Variants in DACH1 observed in about 807,000 individuals in gnomAD.
The protein encoded by DACH1 is dachshund family transcription factor 1, also known as dachshund homolog 1.
DACH1 carries 12 observed loss-of-function variants against 54.2 expected under a neutral mutation model. The observed-to-expected ratio is 0.22, with a 90% CI of 0.14 to 0.36. The LOEUF is 0.36. DACH1 is among the 10% of genes least tolerant of loss of function. DACH1 has a pLI of 1.00. For synonymous variants in DACH1, 386 were observed against 366.2 expected (o/e 1.05, Z -0.62); for missense variants, 805 against 929.8 (o/e 0.87, Z 1.75).
chr13:71,445,587 C>G (rs895068444), intron 10 of DACH1, among the ~76,000 whole-genome samples: 1 of 152,094 alleles, frequency 6.6e-6, no homozygotes, highest in African/African-American at 2.4e-5. Flanking sequence ...CAGAATCCAC[C>G]GGAGGCAGAA....
intron 10 of DACH1, among the ~76,000 whole-genome samples, chr13:71,441,141 A>T (rs1873975321): frequency 6.6e-6 from 1 of 152,072 alleles, no homozygotes; most frequent in Non-Finnish European, 1.5e-5. Flanking sequence ...CATGTAATGT[A>T]ACTATTGTGC....
chr13:71,454,532 C>T (rs1875376886), intron 10 of DACH1, among the ~76,000 whole-genome samples: 2 of 152,154 alleles, frequency 1.3e-5, no homozygotes, highest in Admixed American at 6.5e-5. Flanking sequence ...ACTCTTCTTC[C>T]CCAGATCTAT....
In DACH1 at chr13:71,567,440, AC is replaced by A. The variant is rs1158708605; in HGVS notation, c.1299+5399del. Among the ~76,000 whole-genome samples the A allele has an allele frequency of 3.6e-4, 55 of 151,776 alleles. No homozygotes were observed. In the East Asian group the frequency reaches 9.8e-3, roughly 27 times the overall value. ...ATTTTTATTAGGTAAAATGAGCAGA[AC>A]AAAAAAAAATAGAAAGTCAGAGAGA... On this transcript the variant is annotated intron_variant, in intron 4 of 10. Transcript: ENST00000613252.
intron 6 of DACH1, among the ~76,000 whole-genome samples, chr13:71,539,190 G>T (rs1882986091): frequency 6.6e-6 from 1 of 151,792 alleles, no homozygotes; most frequent in Non-Finnish European, 1.5e-5. Context: ...TCTCACACCG[G>T]GTCTAGCTGT....
intron 1 of DACH1, among the ~76,000 whole-genome samples, chr13:71,694,977 G>A (rs1881745600): frequency 6.6e-6 from 1 of 152,054 alleles, no homozygotes; most frequent in African/African-American, 2.4e-5. Flanking sequence ...ATACATTGAA[G>A]CATAGAATTA....
chr13:71,597,553 C>G (rs1874182765), intron 3 of DACH1, among the ~76,000 whole-genome samples: 1 of 152,116 alleles, frequency 6.6e-6, no homozygotes, highest in Non-Finnish European at 1.5e-5. Flanking sequence ...CTACCTCCCT[C>G]AGTGTGATTT....
intron 6 of DACH1, among the ~76,000 whole-genome samples, chr13:71,553,700 C>T (rs1392312087): frequency 6.8e-6 from 1 of 147,246 alleles, no homozygotes; most frequent in Non-Finnish European, 1.5e-5. Flanking sequence ...TATACTCTCC[C>T]TAAGCTCAAA....
chr13:71,779,350 T>C (rs985106079), intron 1 of DACH1, among the ~76,000 whole-genome samples: 5 of 150,024 alleles, frequency 3.3e-5, no homozygotes, highest in Non-Finnish European at 7.4e-5. Flanking sequence ...GAAAACGTTT[T>C]AAGAGTTTGA....
intron 1 of DACH1, among the ~76,000 whole-genome samples, chr13:71,732,177 A>G (rs986345968): frequency 6.6e-6 from 1 of 152,110 alleles, no homozygotes; most frequent in African/African-American, 2.4e-5. Context: ...TGAATTTTTC[A>G]TGAAATCTAT....
intron 1 of DACH1, among the ~76,000 whole-genome samples, chr13:71,833,820 G>A (rs1317499170): frequency 6.6e-6 from 1 of 151,970 alleles, no homozygotes; most frequent in Non-Finnish European, 1.5e-5. Flanking sequence ...ACAATAAATT[G>A]TAATCCCTAG....
chr13:71,657,594 G>T, intron 2 of DACH1, among the ~76,000 whole-genome samples: 2 of 149,314 alleles, frequency 1.3e-5, no homozygotes, highest in Non-Finnish European at 3.0e-5. Flanking sequence ...AAAAAAAAAG[G>T]TTTCTTTTTA....
intron 3 of DACH1, among the ~76,000 whole-genome samples, chr13:71,581,708 A>T (rs1015719783): frequency 6.6e-6 from 1 of 152,160 alleles, no homozygotes; most frequent in Non-Finnish European, 1.5e-5. Context: ...CAGCATCTAG[A>T]TTAACAATTG....
At chr13:71,653,423 C>G (rs907380829) in intron 2 of DACH1, among the ~76,000 whole-genome samples, 18 of 152,208 alleles carry the variant, frequency 1.2e-4, no homozygotes, top group African/African-American at 4.3e-4. Flanking sequence ...GCTCCCTGAT[C>G]TGTCATTTCC....
In DACH1 at chr13:71,866,581, C is replaced by A; in HGVS notation, c.189G>T (p.Ala63=). ...AGGTGACTGTGGCCGCCGCCGCCGC[C>A]GCCGAAGCGATGGGCTCCGGGCGGA... ...TLFRPEPIAS[A]AAAAATVTST... is the part of the protein sequence containing the mutation. Residue 63 remains alanine (A), a synonymous_variant, in exon 1 of 11, where the codon GCG becomes GCT. Transcript: ENST00000613252. 7.8e-7 allele frequency: 1 copy of A among 1,288,330 alleles called. No individual in the cohort carries two copies. Among genetic ancestry groups the A allele is most frequent in the Non-Finnish European group, 9.9e-7 (1 of 1,015,072 alleles). 79.8% of individuals were successfully genotyped at this position (1,288,330 alleles called of 1,614,324 possible). A position where few individuals can be genotyped will look rare whatever the true frequency, so the allele number is the denominator to read the frequency against.
intron 2 of DACH1, among the ~76,000 whole-genome samples, chr13:71,666,587 A>T (rs1213354359): frequency 6.6e-6 from 1 of 152,214 alleles, no homozygotes; most frequent in African/African-American, 2.4e-5. Context: ...TCAGTTGAAC[A>T]TGTAATAATC....
intron 1 of DACH1, among the ~76,000 whole-genome samples, chr13:71,723,229 T>C (rs1883308939): frequency 6.8e-6 from 1 of 147,590 alleles, no homozygotes; most frequent in African/African-American, 2.6e-5. Flanking sequence ...CCAGGCCAAA[T>C]TTGTCTCTAC....
intron 1 of DACH1, among the ~76,000 whole-genome samples, chr13:71,710,581 G>A (rs1882677910): frequency 6.6e-6 from 1 of 151,874 alleles, no homozygotes; most frequent in African/African-American, 2.4e-5. Context: ...AAAGGATCTT[G>A]TAAGCCACAC....
intron 3 of DACH1, among the ~76,000 whole-genome samples, chr13:71,575,907 G>C (rs1179048908): frequency 6.6e-6 from 1 of 151,930 alleles, no homozygotes; most frequent in East Asian, 1.9e-4. Flanking sequence ...AGTGATTTTT[G>C]CATTATTTAT....
chr13:71,465,870 A>G (rs1178192201), intron 10 of DACH1, among the ~76,000 whole-genome samples: 1 of 152,104 alleles, frequency 6.6e-6, no homozygotes, highest in Non-Finnish European at 1.5e-5. Context: ...TGATTTTTCT[A>G]CCTCTTGTCT....
Sources: allele counts gnomAD v4.1 joint callset (sites outside exome capture counted in the v4.1 genomes callset), GRCh38; gene constraint gnomAD v4.1.1; transcripts MANE v1.5; gene names NCBI Gene and HGNC (gene_info 2026-07-23, HGNC 2026-07-21).